Variants in ZNF438 observed in about 807,000 individuals in gnomAD.
ZNF438 encodes zinc finger protein 438.
In ZNF438, 25 loss-of-function variants were observed where a neutral mutation model predicts 38.0. That is an observed-to-expected ratio of 0.66 (90% CI 0.48 to 0.92). The LOEUF is 0.92. Ranked by LOEUF, ZNF438 falls within the 40% of genes least tolerant of loss-of-function variation. ZNF438 has a pLI of 0.00. For missense variants in ZNF438, 1,007 were observed against 999.6 expected (o/e 1.01, Z -0.10); for synonymous variants, 372 against 364.1 (o/e 1.02, Z -0.25).
intron 2 of ZNF438, among the ~76,000 whole-genome samples, chr10:30,922,615 C>T (rs191102981): frequency 1.6e-3 from 241 of 152,210 alleles, no homozygotes; most frequent in Middle Eastern, 0.01. Context: ...GGGCAGATCA[C>T]CTGAGGTCAG....
intron 2 of ZNF438, among the ~76,000 whole-genome samples, chr10:30,929,323 G>A (rs1042579179): frequency 3.3e-5 from 5 of 152,218 alleles, no homozygotes; most frequent in East Asian, 1.9e-4. Flanking sequence ...AGATGTGTTC[G>A]GACTTCCTTC....
At chr10:30,949,941 T>C (rs1279202473) in intron 1 of ZNF438, among the ~76,000 whole-genome samples, 2 of 152,176 alleles carry the variant, frequency 1.3e-5, no homozygotes, top group Admixed American at 6.5e-5. Flanking sequence ...CAACAGAATA[T>C]ACATTTTTTT....
At chr10:30,848,178 C>T (rs1315224225) in intron 5 of ZNF438, among the ~76,000 whole-genome samples, 1 of 152,196 alleles carries the variant, frequency 6.6e-6, no homozygotes, top group Non-Finnish European at 1.5e-5. Context: ...ACATGACAGA[C>T]CCACCCACTC....
intron 1 of ZNF438, among the ~76,000 whole-genome samples, chr10:31,030,771 T>A (rs935032762): frequency 1.6e-4 from 24 of 152,234 alleles, no homozygotes; most frequent in Non-Finnish European, 7.3e-5. Flanking sequence ...TCAAAGTTCC[T>A]GAAGACTACT....
At chr10:30,928,307 T>C (rs938535627) in intron 2 of ZNF438, among the ~76,000 whole-genome samples, 2 of 152,196 alleles carry the variant, frequency 1.3e-5, no homozygotes, top group Admixed American at 6.5e-5. Flanking sequence ...ATATTTTTTC[T>C]AGTAATTAAA....
At chr10:30,962,086 A>G (rs2136049831) in intron 1 of ZNF438, among the ~76,000 whole-genome samples, 1 of 146,286 alleles carries the variant, frequency 6.8e-6, no homozygotes, top group African/African-American at 2.4e-5. Context: ...GTCTTATTTC[A>G]CCTCCAACCC....
chr10:30,864,662 T>C (rs918454857), intron 4 of ZNF438, among the ~76,000 whole-genome samples: 1 of 152,188 alleles, frequency 6.6e-6, no homozygotes, highest in Admixed American at 6.5e-5. Context: ...CATATTGACA[T>C]GGCTTCCTTC....
intron 5 of ZNF438, among the ~76,000 whole-genome samples, chr10:30,847,199 A>T (rs2032375083): frequency 6.6e-6 from 1 of 152,210 alleles, no homozygotes; most frequent in African/African-American, 2.4e-5. Context: ...CCAGGTTGCC[A>T]GTCATGTGGA....
chr10:30,863,177 T>C (rs1009527392), intron 4 of ZNF438, among the ~76,000 whole-genome samples: 3 of 152,366 alleles, frequency 2.0e-5, no homozygotes, highest in Admixed American at 6.5e-5. Flanking sequence ...TGCTGATAAT[T>C]ATTCCCTAAC....
At chr10:30,912,266 A>G (rs747382235) in intron 2 of ZNF438, among the ~76,000 whole-genome samples, 16 of 152,242 alleles carry the variant, frequency 1.1e-4, no homozygotes, top group Admixed American at 2.6e-4. Flanking sequence ...CCCTTCTGTC[A>G]AAGTTGTCCA....
intron 1 of ZNF438, among the ~76,000 whole-genome samples, chr10:31,014,703 C>T (rs2056034656): frequency 6.6e-6 from 1 of 152,060 alleles, no homozygotes; most frequent in African/African-American, 2.4e-5. Flanking sequence ...GCCTTATCTA[C>T]AAAACATGAG....
chr10:30,849,287 G>A (rs1023707630), exon 5 of ZNF438: 2 of 1,613,890 alleles, frequency 1.2e-6, no homozygotes, highest in African/African-American at 2.7e-5. Flanking sequence ...GTTCAGTTTT[G>A]TTTTGTGGTT....
chr10:31,013,211 C>T (rs1004879050), intron 1 of ZNF438, among the ~76,000 whole-genome samples: 11 of 151,780 alleles, frequency 7.2e-5, no homozygotes, highest in African/African-American at 2.2e-4. Flanking sequence ...CCCAGCTACT[C>T]GGGAGGCTGA....
At chr10:30,949,445 C>T (rs1037411733) in intron 1 of ZNF438, among the ~76,000 whole-genome samples, 3 of 152,188 alleles carry the variant, frequency 2.0e-5, no homozygotes, top group Admixed American at 2.0e-4. Context: ...AATTAAAAGA[C>T]ACAGACTGGC....
exon 6 of ZNF438, chr10:30,845,361 T>A (rs1317521445): frequency 6.2e-7 from 1 of 1,614,174 alleles, no homozygotes; most frequent in Admixed American, 1.7e-5. Context: ...GGGGCTAGCG[T>A]GCTGCACCAA....
exon 5 of ZNF438, chr10:30,849,614 T>C: frequency 2.5e-6 from 4 of 1,614,190 alleles, no homozygotes; most frequent in African/African-American, 2.7e-5. Flanking sequence ...TTTTGCAAGA[T>C]CAACTTGTTC....
At chr10:31,008,581 T>C (rs2055371487) in intron 1 of ZNF438, among the ~76,000 whole-genome samples, 1 of 152,226 alleles carries the variant, frequency 6.6e-6, no homozygotes, top group African/African-American at 2.4e-5. Flanking sequence ...TGTTTTGTTA[T>C]GTTATAGCAT....
At chr10:30,848,603 C>T (rs529198750) in exon 5 of ZNF438, 2 of 1,614,050 alleles carry the variant, frequency 1.2e-6, no homozygotes, top group South Asian at 1.1e-5. Context: ...CTGCAGTTCA[C>T]TGGGCGCAGG....
intron 1 of ZNF438, among the ~76,000 whole-genome samples, chr10:30,942,200 T>C (rs951404601): frequency 6.6e-6 from 1 of 151,808 alleles, no homozygotes; most frequent in Non-Finnish European, 1.5e-5. Flanking sequence ...AAGAGAGAAA[T>C]GGGGAGGGAG....
Sources: allele counts gnomAD v4.1 joint callset (sites outside exome capture counted in the v4.1 genomes callset), GRCh38; gene constraint gnomAD v4.1.1; transcripts MANE v1.5; gene names NCBI Gene and HGNC (gene_info 2026-07-23, HGNC 2026-07-21).